The following ABHD12 variants were observed in gnomAD, a reference collection of about 807,000 sequenced individuals.
ABHD12 encodes the protein lysophosphatidylserine lipase ABHD12.
In ABHD12, 43 loss-of-function variants were observed where a neutral mutation model predicts 58.3. The observed-to-expected ratio is 0.74, with a 90% confidence interval of 0.58 to 0.95. The LOEUF (loss-of-function observed/expected upper bound fraction) is 0.95, where lower values mean the gene tolerates loss of function less well. Among genes scored for constraint, ABHD12 ranks in the 40% least tolerant of loss-of-function variants. ABHD12 has a pLI of 0.00. For missense variants in ABHD12, 539 were observed against 537.2 expected (o/e 1.00, Z -0.03); for synonymous variants, 219 against 211.2 (o/e 1.04, Z -0.32).
In ABHD12 at chr20:25,303,550, C is replaced by A. The variant is rs771678284; in HGVS notation, c.1029G>T (p.Lys343Asn). 3 of 1,613,554 alleles carry A rather than the reference C, an allele frequency of 1.9e-6. No individual in the cohort carries two copies. The highest frequency in any genetic ancestry group is 2.2e-5 in the South Asian group (2 of 91,022). The stretch of plus-strand genomic sequence containing the variant: ...ACCAGAGGCAGAGGCCAGGACCCAC[C>A]TTTCTGCCAAGCTGGAAGGGCACCA... ...DPVVPFQLGR[K>N]LYSIAAPARS... Residue 343 changes from lysine (K) to asparagine (N), a missense_variant and splice_region_variant, in exon 11 of 13, where the codon AAG becomes AAT. Coordinates refer to ENST00000339157, the MANE Select transcript of ABHD12 (RefSeq NM_001042472.3).
chr20:25,384,974 T>G (rs1389898500), intron 1 of ABHD12, among the ~76,000 whole-genome samples: 1 of 152,164 alleles, frequency 6.6e-6, no homozygotes, highest in Non-Finnish European at 1.5e-5. Flanking sequence ...TGTATGTGTG[T>G]GTGTATATAT....
rs754403503 is a variant in ABHD12, at chr20:25,390,547, C to A, written c.157G>T (p.Ala53Ser). 4 of 1,469,388 alleles carry A rather than the reference C, an allele frequency of 2.7e-6. No homozygotes were observed. In the South Asian group the frequency reaches 3.8e-5, roughly 14 times the overall value. The allele number at this position is 1,469,388 out of a possible 1,614,324, so 91.0% of individuals were successfully genotyped here. A position where few individuals can be genotyped will look rare whatever the true frequency, so the allele number is the denominator to read the frequency against. Residue 53 changes from alanine to serine, a missense_variant, in exon 1 of 13, where the codon GCA (alanine) becomes TCA (serine). By Grantham distance (99) the Ala-to-Ser change is moderately conservative (BLOSUM62 1). Coordinates refer to ENST00000339157, the MANE Select transcript of ABHD12 (RefSeq NM_001042472.3). ...GCCCGCTTCATTCCCGCGTCGGCTG[C>A]GCAGCGCGGCTCAGCCGCCGCCGGG... ...TGPAAAEPRC[A>S]ADAGMKRALG...
chr20:25,369,431 T>C (rs2089869158), intron 1 of ABHD12, among the ~76,000 whole-genome samples: 1 of 152,172 alleles, frequency 6.6e-6, no homozygotes, highest in East Asian at 1.9e-4. Context: ...ACAGGTCAGC[T>C]GGAGTTCTAC....
intron 1 of ABHD12, among the ~76,000 whole-genome samples, chr20:25,349,264 T>C (rs2089566183): frequency 6.6e-6 from 1 of 152,120 alleles, no homozygotes; most frequent in Non-Finnish European, 1.5e-5. Context: ...ACACACATGC[T>C]GGGAGTATAA....
chr20:25,387,304 T>C (rs2053727210), intron 1 of ABHD12, among the ~76,000 whole-genome samples: 1 of 152,288 alleles, frequency 6.6e-6, no homozygotes, highest in Admixed American at 6.5e-5. Context: ...CTCACACCTG[T>C]AATCCCAACA....
At chr20:25,384,660 A>G (rs1482897701) in intron 1 of ABHD12, among the ~76,000 whole-genome samples, 1 of 152,090 alleles carries the variant, frequency 6.6e-6, no homozygotes, top group Non-Finnish European at 1.5e-5. Flanking sequence ...TGCGAAGACC[A>G]TTTGACCCTG....
At chr20:25,383,166 G>C (rs989221475) in intron 1 of ABHD12, among the ~76,000 whole-genome samples, 1 of 152,170 alleles carries the variant, frequency 6.6e-6, no homozygotes, top group African/African-American at 2.4e-5. Context: ...ACTGAACCTC[G>C]GGAAGGCTGA....
At chr20:25,369,970 T>C (rs2089878964) in intron 1 of ABHD12, among the ~76,000 whole-genome samples, 2 of 151,334 alleles carry the variant, frequency 1.3e-5, no homozygotes, top group Non-Finnish European at 2.9e-5. Context: ...GATTTTTTGT[T>C]AACAAAGGAC....
downstream of ABHD12, chr20:25,297,789 A>G (rs2088572227): frequency 6.6e-6 from 1 of 152,056 alleles, no homozygotes; most frequent in Non-Finnish European, 1.5e-5. Context: ...GGATCTGCGC[A>G]CGGTGCACAG....
downstream of ABHD12, chr20:25,295,530 T>C: frequency 6.6e-7 from 1 of 1,509,728 alleles, no homozygotes; most frequent in Non-Finnish European, 9.2e-7. Context: ...CCTCCTGCCC[T>C]GGGACTCTCC....
At chr20:25,342,151 C>A (rs956045109) in intron 1 of ABHD12, among the ~76,000 whole-genome samples, 8 of 148,424 alleles carry the variant, frequency 5.4e-5, no homozygotes, top group Non-Finnish European at 8.9e-5. Flanking sequence ...CTCACAGTAG[C>A]CAAAAACAGA....
intron 1 of ABHD12, among the ~76,000 whole-genome samples, chr20:25,374,311 T>A (rs1007686829): frequency 9.9e-5 from 15 of 151,954 alleles, no homozygotes; most frequent in African/African-American, 3.6e-4. Flanking sequence ...CCAGGTTTCA[T>A]GTTGAATAGT....
intron 9 of ABHD12, among the ~76,000 whole-genome samples, chr20:25,307,307 G>A (rs2088762661): frequency 6.6e-6 from 1 of 152,256 alleles, no homozygotes; most frequent in South Asian, 2.1e-4. Flanking sequence ...TTTAAGAAAA[G>A]CAGCACCAAA....
At position 25,390,742 on chromosome 20, in the gene ABHD12, G is replaced by GGCCTCCGCCGCCCGCTGGCCTCCGCC; in HGVS notation, c.-40_-39insGGCGGAGGCCAGCGGGCGGCGGAGGC. On this transcript the variant is annotated 5_prime_UTR_variant, in exon 1 of 13. Coordinates refer to ENST00000339157, the MANE Select transcript of ABHD12 (RefSeq NM_001042472.3). ...GGGCCAGCCGCCGACGGCGCCCGCTGGCCTGCGCCGCAGTGCCGCCGCTCA... is the reference window on the plus strand; with the variant it reads ...GGGCCAGCCGCCGACGGCGCCCGCTGGCCTCCGCCGCCCGCTGGCCTCCGCCGCCTGCGCCGCAGTGCCGCCGCTCA... 8.0e-7 allele frequency: 1 copy of GGCCTCCGCCGCCCGCTGGCCTCCGCC among 1,254,794 alleles called. No homozygotes were observed. Among genetic ancestry groups the GGCCTCCGCCGCCCGCTGGCCTCCGCC allele is most frequent in the African/African-American group, 1.6e-5 (1 of 62,792 alleles). 77.7% of individuals were successfully genotyped at this position (1,254,794 alleles called of 1,614,324 possible). A position where few individuals can be genotyped will look rare whatever the true frequency, so the allele number is the denominator to read the frequency against.
chr20:25,342,182 A>G (rs2089463783), intron 1 of ABHD12, among the ~76,000 whole-genome samples: 2 of 152,086 alleles, frequency 1.3e-5, no homozygotes, highest in Admixed American at 6.6e-5. Flanking sequence ...ATGGCCATCA[A>G]TGAGTGAATG....
chr20:25,349,755 G>A (rs989402931), intron 1 of ABHD12, among the ~76,000 whole-genome samples: 1 of 152,196 alleles, frequency 6.6e-6, no homozygotes, highest in Non-Finnish European at 1.5e-5. Flanking sequence ...AGGGGAAAAT[G>A]GGGAGGTATT....
At chr20:25,322,197 A>T (rs1457023470) in intron 3 of ABHD12, among the ~76,000 whole-genome samples, 1 of 151,656 alleles carries the variant, frequency 6.6e-6, no homozygotes, top group Non-Finnish European at 1.5e-5. Context: ...AATGTATTCC[A>T]AGGAGACACA....
At chr20:25,380,412 G>T (rs1410650397) in intron 1 of ABHD12, among the ~76,000 whole-genome samples, 3 of 152,038 alleles carry the variant, frequency 2.0e-5, no homozygotes, top group Non-Finnish European at 4.4e-5. Context: ...GCATAGTGAT[G>T]CTTTTATTAT....
chr20:25,341,179 T>G (rs1029374061), intron 1 of ABHD12, among the ~76,000 whole-genome samples: 1 of 152,238 alleles, frequency 6.6e-6, no homozygotes, highest in African/African-American at 2.4e-5. Flanking sequence ...GCGCCCGCAC[T>G]TGTGCTGTGC....
Sources: gnomAD v4.1 joint callset for allele counts (sites outside exome capture counted in the v4.1 genomes callset) on GRCh38, gnomAD v4.1.1 for gene constraint, MANE v1.5 for transcripts, NCBI Gene and HGNC (gene_info 2026-07-23, HGNC 2026-07-21) for gene names.